The following NCALD variants were observed in gnomAD, a reference collection of about 807,000 sequenced individuals.
NCALD encodes neurocalcin delta, also known as neurocalcin-delta.
In NCALD, 10 loss-of-function variants were observed where a neutral mutation model predicts 18.6. That is an observed-to-expected ratio of 0.54 (90% CI 0.33 to 0.91). The LOEUF is 0.91. Ranked by LOEUF, NCALD falls within the 40% of genes least tolerant of loss-of-function variation. NCALD has a pLI of 0.03. For missense variants in NCALD, 184 were observed against 247.6 expected (o/e 0.74, Z 1.72); for synonymous variants, 88 against 87.4 (o/e 1.01, Z -0.04).
chr8:101,699,284 G>A (rs534936617), intron 2 of NCALD, among the ~76,000 whole-genome samples: 2 of 152,324 alleles, frequency 1.3e-5, no homozygotes, highest in African/African-American at 4.8e-5. Context: ...AGGCTGTGGG[G>A]AAATAGGAAT....
chr8:101,752,813 T>G (rs1810715299), intron 1 of NCALD, among the ~76,000 whole-genome samples: 1 of 152,202 alleles, frequency 6.6e-6, no homozygotes, highest in Admixed American at 6.5e-5. Context: ...GTATGCAATT[T>G]GAAATATTTT....
At chr8:101,900,310 TTC>T (rs1336955362) in intron 3 of NCALD, among the ~76,000 whole-genome samples, 3 of 151,896 alleles carry the variant, frequency 2.0e-5, no homozygotes, top group African/African-American at 7.2e-5. Context: ...CCTGTTTATT[TTC>T]TTGTTTTTCT....
chr8:101,790,279 C>A (rs1318219165), intron 1 of NCALD, among the ~76,000 whole-genome samples: 2 of 152,184 alleles, frequency 1.3e-5, no homozygotes, highest in African/African-American at 4.8e-5. Flanking sequence ...CCGATTATTT[C>A]TCTCTAAACA....
intron 4 of NCALD, among the ~76,000 whole-genome samples, chr8:101,870,903 C>CAA (rs202185578): frequency 1.2e-5 from 1 of 82,612 alleles, no homozygotes; most frequent in Non-Finnish European, 2.2e-5. Flanking sequence ...CCCCACCCCC[C>CAA]CCCCCCAAAA....
At chr8:101,692,957 T>A in intron 2 of NCALD, 61 bp from the exon 3 acceptor site, 3 of 1,212,222 alleles carry the variant, frequency 2.5e-6, no homozygotes, top group Non-Finnish European at 3.7e-6. Context: ...AATAGACCTA[T>A]CATTAAACCT....
intron 3 of NCALD, chr8:101,691,937 C>G: frequency 1.0e-6 from 1 of 985,432 alleles, no homozygotes; most frequent in Non-Finnish European, 1.2e-6. Flanking sequence ...GAGCCGGGCC[C>G]TGAGCTGAGC....
chr8:101,920,781 T>G (rs1291800066), intron 2 of NCALD, among the ~76,000 whole-genome samples: 1 of 152,124 alleles, frequency 6.6e-6, no homozygotes, highest in Non-Finnish European at 1.5e-5. Flanking sequence ...GGGTACTATG[T>G]TCAGTACCTG....
chr8:101,910,901 A>T (rs990106400), intron 3 of NCALD, among the ~76,000 whole-genome samples: 1 of 152,222 alleles, frequency 6.6e-6, no homozygotes, highest in African/African-American at 2.4e-5. Flanking sequence ...TTTAGCCCTG[A>T]TCAACAATCA....
intron 2 of NCALD, among the ~76,000 whole-genome samples, chr8:101,987,907 C>A (rs747228647): frequency 1.3e-5 from 2 of 152,304 alleles, no homozygotes; most frequent in Non-Finnish European, 2.9e-5. Flanking sequence ...GTAATCCCAG[C>A]ACTTTCGGAG....
chr8:101,806,756 T>C (rs117979597), intron 4 of NCALD, among the ~76,000 whole-genome samples: 3,108 of 152,148 alleles, frequency 0.02, 58 homozygotes, highest in Middle Eastern at 0.068. Flanking sequence ...CATGCACCTA[T>C]GCACACAATT....
intron 1 of NCALD, among the ~76,000 whole-genome samples, chr8:102,065,996 G>A (rs941050318): frequency 6.6e-6 from 1 of 152,122 alleles, no homozygotes; most frequent in Non-Finnish European, 1.5e-5. Flanking sequence ...CAATAAGTAA[G>A]TCTTTAGAAA....
chr8:102,086,960 A>T (rs1281051290), intron 1 of NCALD, among the ~76,000 whole-genome samples: 2 of 152,250 alleles, frequency 1.3e-5, no homozygotes, highest in African/African-American at 4.8e-5. Context: ...TACAGATGCC[A>T]TGGCAACATC....
intron 3 of NCALD, among the ~76,000 whole-genome samples, chr8:101,901,355 G>A (rs745582616): frequency 6.6e-6 from 1 of 150,892 alleles, no homozygotes; most frequent in Non-Finnish European, 1.5e-5. Context: ...GCCACTTGTA[G>A]TCAATGTAAT....
intron 4 of NCALD, among the ~76,000 whole-genome samples, chr8:101,808,553 C>G (rs1813192465): frequency 6.6e-6 from 1 of 152,132 alleles, no homozygotes; most frequent in East Asian, 1.9e-4. Context: ...TCCTAACTCC[C>G]CTTCTAGCTC....
intron 4 of NCALD, among the ~76,000 whole-genome samples, chr8:101,809,858 T>C (rs1387054325): frequency 6.6e-6 from 1 of 152,204 alleles, no homozygotes; most frequent in Non-Finnish European, 1.5e-5. Context: ...TCTCTTTTTT[T>C]TAAAGATTGT....
intron 1 of NCALD, among the ~76,000 whole-genome samples, chr8:101,753,479 C>T (rs1249966379): frequency 6.6e-6 from 1 of 152,224 alleles, no homozygotes; most frequent in Non-Finnish European, 1.5e-5. Context: ...AGGAATTTTA[C>T]ACCCTCTACA....
In NCALD at chr8:102,013,446, G is replaced by T. The variant is rs79950606; in HGVS notation, c.-157+6791C>A. On this transcript the variant is annotated intron_variant, in intron 2 of 6. Coordinates refer to the NCALD transcript ENST00000311028. The stretch of plus-strand genomic sequence containing the variant: ...CATCCATAGCAAGCCCAGCCCCAAT[G>T]GATTTAGCAGAAAGAATATGCCCAA... 4.0e-3 allele frequency among the ~76,000 whole-genome samples: 611 copies of T among 152,222 alleles called. 4 individuals carry two copies. Among genetic ancestry groups the T allele is most frequent in the African/African-American group, 0.014 (570 of 41,530 alleles).
At chr8:102,046,021 T>C (rs1018025796) in intron 1 of NCALD, among the ~76,000 whole-genome samples, 1 of 152,244 alleles carries the variant, frequency 6.6e-6, no homozygotes, top group Non-Finnish European at 1.5e-5. Flanking sequence ...TAGCATGTGA[T>C]AAAAATTATT....
intron 2 of NCALD, among the ~76,000 whole-genome samples, chr8:101,718,312 T>A (rs1239100903): frequency 6.6e-6 from 1 of 152,192 alleles, no homozygotes; most frequent in African/African-American, 2.4e-5. Flanking sequence ...CTTTTAATGA[T>A]CACTTTTTAC....
Sources: allele counts gnomAD v4.1 joint callset (sites outside exome capture counted in the v4.1 genomes callset), GRCh38; gene constraint gnomAD v4.1.1; transcripts MANE v1.5; gene names NCBI Gene and HGNC (gene_info 2026-07-23, HGNC 2026-07-21).